The following SH3RF3 variants were observed in gnomAD, a reference collection of about 807,000 sequenced individuals.
The protein encoded by SH3RF3 is E3 ubiquitin-protein ligase SH3RF3.
SH3RF3 carries 29 observed loss-of-function variants against 66.3 expected under a neutral mutation model. The ratio of observed to expected loss-of-function variants is 0.44; its 90% CI spans 0.33 to 0.60. The LOEUF is 0.60. Ranked by LOEUF, SH3RF3 falls within the 20% of genes least tolerant of loss-of-function variation. The pLI is 0.04. For synonymous variants in SH3RF3, 583 were observed against 532.0 expected (o/e 1.10, Z -1.32); for missense variants, 1,194 against 1,190.9 (o/e 1.00, Z -0.04).
At chr2:109,260,199 C>T (rs1407434942) in intron 1 of SH3RF3, among the ~76,000 whole-genome samples, 1 of 152,132 alleles carries the variant, frequency 6.6e-6, no homozygotes, top group Non-Finnish European at 1.5e-5. Flanking sequence ...CTGCAGTGCA[C>T]TACTGATGGT....
chr2:109,457,296 TCTCTAA>T (rs1678086623), intron 8 of SH3RF3, among the ~76,000 whole-genome samples: 1 of 152,210 alleles, frequency 6.6e-6, no homozygotes, highest in Non-Finnish European at 1.5e-5. Context: ...CCCCGAGGCT[TCTCTAA>T]AAGATCAAAG....
chr2:109,378,721 T>A (rs1261233241), intron 3 of SH3RF3, among the ~76,000 whole-genome samples: 4 of 152,204 alleles, frequency 2.6e-5, no homozygotes, highest in Non-Finnish European at 2.9e-5. Flanking sequence ...TCTCTACTGC[T>A]GAGGCTATAA....
intron 1 of SH3RF3, among the ~76,000 whole-genome samples, chr2:109,157,596 T>A (rs907929510): frequency 2.0e-5 from 3 of 152,184 alleles, no homozygotes; most frequent in African/African-American, 7.2e-5. Flanking sequence ...AGAAGGAGAT[T>A]GGAACTTGGG....
intron 8 of SH3RF3, among the ~76,000 whole-genome samples, chr2:109,467,843 G>T (rs1224247262): frequency 1.3e-5 from 2 of 152,152 alleles, no homozygotes; most frequent in East Asian, 3.9e-4. Context: ...ACAGAGCCAG[G>T]CTGAGCACCC....
chr2:109,491,000 C>T (rs1679116493), intron 9 of SH3RF3, 64 bp downstream of exon 9: 2 of 1,365,898 alleles, frequency 1.5e-6, no homozygotes, highest in South Asian at 1.8e-5. Flanking sequence ...TCTGGAGCCA[C>T]CTTCGGGGAG....
At chr2:109,217,534 A>G (rs1171909307) in intron 1 of SH3RF3, among the ~76,000 whole-genome samples, 1 of 152,216 alleles carries the variant, frequency 6.6e-6, no homozygotes, top group African/African-American at 2.4e-5. Context: ...GACTTCAAGT[A>G]TCTTTAGAAT....
intron 3 of SH3RF3, among the ~76,000 whole-genome samples, chr2:109,377,719 A>G (rs1033410571): frequency 1.3e-5 from 2 of 152,222 alleles, no homozygotes; most frequent in African/African-American, 2.4e-5. Flanking sequence ...TCTTCAGCAC[A>G]ATGATGATAG....
intron 1 of SH3RF3, among the ~76,000 whole-genome samples, chr2:109,278,587 C>T (rs986580184): frequency 3.8e-4 from 58 of 152,184 alleles, no homozygotes; most frequent in African/African-American, 1.2e-3. Flanking sequence ...CAGGAGTCAG[C>T]GGCATATAGG....
intron 1 of SH3RF3, among the ~76,000 whole-genome samples, chr2:109,225,867 G>T (rs1679363777): frequency 6.6e-6 from 1 of 152,228 alleles, no homozygotes; most frequent in Admixed American, 6.5e-5. Context: ...CTGGGATGAA[G>T]TGATCCTCCC....
rs976047848 is a variant in SH3RF3 at position 109,144,912 on chromosome 2, G to A, written c.573+14799G>A. On this transcript the variant is annotated intron_variant, in intron 1 of 9. Transcript: ENST00000309415. The stretch of plus-strand genomic sequence containing the variant: ...GTTCCCAGAGCTGGGGTGCTGGGGC[G>A]GTGTGGACACTGCGCACTGTGGGGT... Among the ~76,000 whole-genome samples, 3 of 152,236 alleles carry A rather than the reference G, an allele frequency of 2.0e-5. No homozygotes were observed. In the South Asian group the frequency reaches 6.2e-4, roughly 31 times the overall value.
intron 1 of SH3RF3, among the ~76,000 whole-genome samples, chr2:109,266,745 A>G (rs551510237): frequency 6.6e-6 from 1 of 152,286 alleles, no homozygotes; most frequent in African/African-American, 2.4e-5. Flanking sequence ...CGCTTGCTTC[A>G]TTAACAGCCT....
At chr2:109,339,093 T>G (rs1682496152) in intron 1 of SH3RF3, among the ~76,000 whole-genome samples, 1 of 152,192 alleles carries the variant, frequency 6.6e-6, no homozygotes. Context: ...CTTCATCATC[T>G]TCACGTTGTG....
intron 8 of SH3RF3, among the ~76,000 whole-genome samples, chr2:109,457,849 A>G (rs1678104656): frequency 6.6e-6 from 1 of 152,206 alleles, no homozygotes; most frequent in South Asian, 2.1e-4. Context: ...GGTAATGCCC[A>G]CACATCAGAC....
At chr2:109,235,295 T>G (rs1679620238) in intron 1 of SH3RF3, among the ~76,000 whole-genome samples, 1 of 152,200 alleles carries the variant, frequency 6.6e-6, no homozygotes, top group African/African-American at 2.4e-5. Flanking sequence ...GCAAGGTCTT[T>G]CTTCTCCCCT....
chr2:109,377,035 C>T (rs537670151), intron 3 of SH3RF3, among the ~76,000 whole-genome samples: 62 of 152,360 alleles, frequency 4.1e-4, no homozygotes, highest in African/African-American at 1.3e-3. Context: ...GCTCAGAGTC[C>T]GGGCTATTTT....
At position 109,501,614 on chromosome 2, in the gene SH3RF3, C is replaced by A; in HGVS notation, c.2592C>A (p.Thr864=). Residue 864 remains threonine (T), a synonymous_variant, in exon 10 of 10, where the codon ACC becomes ACA. Transcript: ENST00000309415. ...GTGAGGACGGCTGGTACAAGGGGAC[C>A]CTGCAGCGGAACGGCCGCACAGGCC... ...KKREDGWYKG[T]LQRNGRTGLF... The A allele has an allele frequency of 1.3e-6, 1 of 778,992 alleles. No homozygotes were observed. The highest frequency in any genetic ancestry group is 1.4e-5 in the South Asian group (1 of 74,038). 48.3% of individuals were successfully genotyped at this position (778,992 alleles called of 1,614,324 possible). A position where few individuals can be genotyped will look rare whatever the true frequency, so the allele number is the denominator to read the frequency against.
At chr2:109,263,814 A>G (rs1680414803) in intron 1 of SH3RF3, among the ~76,000 whole-genome samples, 1 of 152,196 alleles carries the variant, frequency 6.6e-6, no homozygotes, top group South Asian at 2.1e-4. Context: ...AAAAAATACA[A>G]AAAATTAGCT....
chr2:109,299,399 T>C (rs1373061055), intron 1 of SH3RF3, among the ~76,000 whole-genome samples: 1 of 149,842 alleles, frequency 6.7e-6, no homozygotes, highest in Non-Finnish European at 1.5e-5. Context: ...ATCAGGGTCC[T>C]TGACACATCC....
chr2:109,158,990 G>T (rs549485961), intron 1 of SH3RF3, among the ~76,000 whole-genome samples: 3 of 152,220 alleles, frequency 2.0e-5, no homozygotes, highest in Non-Finnish European at 2.9e-5. Flanking sequence ...GGTGGCACAC[G>T]CCTGTAATCC....
Sources: allele counts gnomAD v4.1 joint callset (sites outside exome capture counted in the v4.1 genomes callset), GRCh38; gene constraint gnomAD v4.1.1; transcripts MANE v1.5; gene names NCBI Gene and HGNC (gene_info 2026-07-23, HGNC 2026-07-21).